Variants in SRBD1 observed in about 807,000 individuals in gnomAD.
The protein encoded by SRBD1 is S1 RNA-binding domain-containing protein 1.
Under a neutral mutation model 115.3 loss-of-function variants are expected in SRBD1, and 88 were observed. The ratio of observed to expected loss-of-function variants is 0.76; its 90% confidence interval spans 0.64 to 0.91. The LOEUF (loss-of-function observed/expected upper bound fraction) is 0.91, where lower values mean the gene tolerates loss of function less well. Ranked by LOEUF, SRBD1 falls within the 40% of genes least tolerant of loss-of-function variation. SRBD1 has a pLI of 0.00. For synonymous variants in SRBD1, 509 were observed against 407.7 expected (o/e 1.25, Z -2.99); for missense variants, 1,385 against 1,177.4 (o/e 1.18, Z -2.58).
intron 14 of SRBD1, among the ~76,000 whole-genome samples, chr2:45,501,097 C>T (rs1466183585): frequency 6.6e-6 from 1 of 152,102 alleles, no homozygotes; most frequent in Non-Finnish European, 1.5e-5. Context: ...TGAAGGGACA[C>T]TGGATTTTAC....
intron 10 of SRBD1, among the ~76,000 whole-genome samples, chr2:45,558,836 C>T (rs936514926): frequency 1.3e-5 from 2 of 152,016 alleles, no homozygotes; most frequent in Non-Finnish European, 2.9e-5. Flanking sequence ...GGGTTACACG[C>T]ATGCACCACC....
chr2:45,548,461 A>T (rs911977513), intron 12 of SRBD1, among the ~76,000 whole-genome samples: 8 of 152,070 alleles, frequency 5.3e-5, no homozygotes, highest in Non-Finnish European at 1.0e-4. Context: ...ATATTAAATT[A>T]TGAAAACAGA....
At chr2:45,426,790 G>A (rs913335148) in intron 16 of SRBD1, among the ~76,000 whole-genome samples, 3 of 152,086 alleles carry the variant, frequency 2.0e-5, no homozygotes, top group African/African-American at 7.2e-5. Flanking sequence ...CAAACAGAAA[G>A]GAATAGCATC....
At chr2:45,578,112 T>C (rs1673235167) in intron 7 of SRBD1, among the ~76,000 whole-genome samples, 1 of 152,120 alleles carries the variant, frequency 6.6e-6, no homozygotes, top group African/African-American at 2.4e-5. Flanking sequence ...CAAGAGACCT[T>C]GGTACCAAAG....
intron 15 of SRBD1, among the ~76,000 whole-genome samples, chr2:45,479,505 A>G (rs1353720154): frequency 3.3e-5 from 5 of 152,206 alleles, no homozygotes; most frequent in Non-Finnish European, 5.9e-5. Context: ...ACCAGCCACA[A>G]CATTCCCTTA....
At chr2:45,498,485 G>T (rs1472219067) in intron 14 of SRBD1, among the ~76,000 whole-genome samples, 1 of 152,068 alleles carries the variant, frequency 6.6e-6, no homozygotes, top group Admixed American at 6.5e-5. Context: ...AATCTGTAAT[G>T]ATCAAATCAG....
intron 4 of SRBD1, among the ~76,000 whole-genome samples, chr2:45,588,694 CAG>C (rs1483828149): frequency 6.6e-6 from 1 of 152,148 alleles, no homozygotes; most frequent in Non-Finnish European, 1.5e-5. Context: ...TTGCTCTGGC[CAG>C]AGAGATTAGC....
intron 6 of SRBD1, among the ~76,000 whole-genome samples, chr2:45,581,098 AAT>A (rs1045368443): frequency 3.3e-5 from 5 of 151,968 alleles, no homozygotes; most frequent in African/African-American, 1.2e-4. Flanking sequence ...CTAATTACCA[AAT>A]ATATATATTT....
intron 14 of SRBD1, among the ~76,000 whole-genome samples, chr2:45,540,828 AT>A (rs2104011326): frequency 6.6e-6 from 1 of 152,358 alleles, no homozygotes; most frequent in Non-Finnish European, 1.5e-5. Flanking sequence ...ATCACTACAT[AT>A]CCACTAGGGC....
chr2:45,431,921 T>G (rs528255917), intron 16 of SRBD1, among the ~76,000 whole-genome samples: 1 of 152,356 alleles, frequency 6.6e-6, no homozygotes, highest in East Asian at 1.9e-4. Flanking sequence ...CTGTAAACGC[T>G]GCCGTCAGGT....
chr2:45,425,464 G>T (rs1668124262), intron 16 of SRBD1, among the ~76,000 whole-genome samples: 1 of 152,068 alleles, frequency 6.6e-6, no homozygotes, highest in African/African-American at 2.4e-5. Flanking sequence ...ATAAATTATG[G>T]AACAGCCCTA....
At chr2:45,603,642 G>A (rs192027753) in intron 2 of SRBD1, among the ~76,000 whole-genome samples, 126 of 152,146 alleles carry the variant, frequency 8.3e-4, no homozygotes, top group Middle Eastern at 3.4e-3. Flanking sequence ...TGATTCTCAC[G>A]TCTCAGTCCC....
chr2:45,430,373 A>G (rs1668295310), intron 16 of SRBD1, among the ~76,000 whole-genome samples: 1 of 152,210 alleles, frequency 6.6e-6, no homozygotes, highest in East Asian at 1.9e-4. Flanking sequence ...TGGAGGCATC[A>G]CGCTACCTGA....
At chr2:45,469,878 C>G (rs1669594793) in intron 16 of SRBD1, among the ~76,000 whole-genome samples, 1 of 152,150 alleles carries the variant, frequency 6.6e-6, no homozygotes, top group African/African-American at 2.4e-5. Context: ...ATATCCTGGG[C>G]CTTAGAGTCA....
chr2:45,611,192 G>C (rs1317263602), intron 1 of SRBD1, 27 bp downstream of exon 1: 4 of 152,200 alleles, frequency 2.6e-5, no homozygotes, highest in African/African-American at 9.6e-5. Context: ...CCCGCAAGAC[G>C]ACCGCCAAGG....
intron 16 of SRBD1, among the ~76,000 whole-genome samples, chr2:45,463,559 C>T (rs1669390148): frequency 6.6e-6 from 1 of 152,086 alleles, no homozygotes; most frequent in Admixed American, 6.5e-5. Context: ...TTCTCAATTG[C>T]TATAATCACC....
Position 45,489,970 on chromosome 2 carries a change from T to C in SRBD1, c.1875-1639A>G, listed in dbSNP as rs560149756. Among the ~76,000 whole-genome samples, 20 of 152,256 alleles carry C rather than the reference T, an allele frequency of 1.3e-4. No homozygotes were observed. In the South Asian group the frequency reaches 4.1e-3, roughly 32 times the overall value. On this transcript the variant is annotated intron_variant, in intron 14 of 20. Transcript: ENST00000263736. ...TCTCTTCCTTTGCCTTTTTCTTTGATCAAAAGGTAAAGTGAATTGTTTACT... is the reference window on the plus strand; with the variant it reads ...TCTCTTCCTTTGCCTTTTTCTTTGACCAAAAGGTAAAGTGAATTGTTTACT...
intron 14 of SRBD1, among the ~76,000 whole-genome samples, chr2:45,491,135 CA>C (rs1670279040): frequency 6.6e-6 from 1 of 151,934 alleles, no homozygotes; most frequent in Admixed American, 6.5e-5. Flanking sequence ...CTCCCTTTTT[CA>C]TTCCTATTTA....
At chr2:45,607,703 A>C (rs1413481601) in intron 1 of SRBD1, among the ~76,000 whole-genome samples, 1 of 152,184 alleles carries the variant, frequency 6.6e-6, no homozygotes, top group Admixed American at 6.5e-5. Context: ...CTGTGTATAA[A>C]CTGACAAAGG....
Sources: allele counts gnomAD v4.1 joint callset (sites outside exome capture counted in the v4.1 genomes callset), GRCh38; gene constraint gnomAD v4.1.1; transcripts MANE v1.5; gene names NCBI Gene and HGNC (gene_info 2026-07-23, HGNC 2026-07-21).